Variants in TRPC3 observed in about 807,000 individuals in gnomAD.
TRPC3 encodes the protein transient receptor potential cation channel subfamily C member 3.
In TRPC3, 54 loss-of-function variants were observed where a neutral mutation model predicts 90.9. The observed-to-expected ratio is 0.59, with a 90% CI of 0.48 to 0.75. The LOEUF (loss-of-function observed/expected upper bound fraction) is 0.75. Ranked by LOEUF, TRPC3 falls within the 30% of genes least tolerant of loss-of-function variation. TRPC3 has a pLI of 0.00. For synonymous variants in TRPC3, 424 were observed against 450.9 expected (o/e 0.94, Z 0.75); for missense variants, 918 against 1,194.5 (o/e 0.77, Z 3.41).
chr4:121,930,861 G>A, intron 2 of TRPC3: 2 of 375,448 alleles, frequency 5.3e-6, no homozygotes, highest in East Asian at 8.5e-5. Flanking sequence ...AAACATTTTG[G>A]GTCCAAGTAA....
Position 121,951,829 on chromosome 4 carries a change from C to T in TRPC3, c.-149G>A, listed in dbSNP as rs1730781301. 2.0e-6 allele frequency: 1 copy of T among 509,992 alleles called. No homozygotes were observed. Among genetic ancestry groups the T allele is most frequent in the Non-Finnish European group, 3.1e-6 (1 of 322,240 alleles). 31.6% of individuals were successfully genotyped at this position (509,992 alleles called of 1,614,324 possible). The stretch of plus-strand genomic sequence containing the variant: ...AGGGCGGGAAGGCAGGAGCGGAGAG[C>T]GTCGCGGCCCGCGATCCAGCAGTTA... On this transcript the variant is annotated 5_prime_UTR_variant, in exon 1 of 12. Transcript: ENST00000379645. The surrounding 1 kb of genome is among the most constrained non-coding windows in gnomAD (Gnocchi z 4.4).
In TRPC3 at chr4:121,951,671, T is replaced by C; in HGVS notation, c.10A>G (p.Lys4Glu). 1 of 1,330,550 alleles carries C rather than the reference T, an allele frequency of 7.5e-7. No individual in the cohort carries two copies. Among genetic ancestry groups the C allele is most frequent in the Non-Finnish European group, 9.7e-7 (1 of 1,030,862 alleles). The allele number at this position is 1,330,550 out of a possible 1,614,324, so 82.4% of individuals were successfully genotyped here. ...GCTTGTTCTTTGCACTTCCTGACCT[T>C]GGTGGACATCGCGCCGGCTGCGGTC... MST[K>E]VRKCKEQARV... The change falls in exon 1 of 12, where the codon AAG (lysine) becomes GAG (glutamate). Residue 4 changes from lysine (K) to glutamate (E), a missense_variant. By Grantham distance (56) the Lys-to-Glu change is moderately conservative. Transcript: ENST00000379645. The surrounding 1 kb of genome is among the most constrained non-coding windows in gnomAD (Gnocchi z 4.4).
At position 121,912,034 on chromosome 4, in the gene TRPC3, G is replaced by C. The variant is rs772337585; in HGVS notation, c.1401C>G (p.Ile467Met). The C allele has an allele frequency of 6.2e-7, 1 of 1,613,880 alleles. No homozygotes were observed. The highest frequency in any genetic ancestry group is 1.1e-5 in the South Asian group (1 of 91,074). The change falls in exon 5 of 12, where the codon ATC becomes ATG. Residue 467 changes from isoleucine to methionine, a missense_variant. Ile to Met is a conservative substitution (Grantham distance 10). Coordinates refer to ENST00000379645, the MANE Select transcript of TRPC3 (RefSeq NM_001130698.2). ...MKFVAHAASF[I>M]IFLGLLVFNA... ...TGAACACAAGCAGACCCAGGAAGAT[G>C]ATGAAAGAAGCTGCATGTGCTACAA... is the stretch of plus-strand genomic sequence containing the variant.
intron 1 of TRPC3, among the ~76,000 whole-genome samples, chr4:121,937,224 G>A (rs924579500): frequency 1.3e-5 from 2 of 152,084 alleles, no homozygotes; most frequent in Non-Finnish European, 1.5e-5. Context: ...AATCTCTCAC[G>A]GTTGGACCCT....
At chr4:121,935,365 G>T (rs1001546100) in intron 1 of TRPC3, among the ~76,000 whole-genome samples, 2 of 151,620 alleles carry the variant, frequency 1.3e-5, no homozygotes, top group Admixed American at 1.3e-4. Flanking sequence ...TGTATGTGTG[G>T]TATGTGTGGG....
Position 121,899,233 on chromosome 4 carries a change from G to T in TRPC3, c.2547+379C>A, listed in dbSNP as rs561345856. Reference sequence around the variant, plus strand: ...AAAGAAAAACCTAGAGAAAAAACAAGTTTTCCTGCCATGGGAGCATTATTC... The same window carrying T: ...AAAGAAAAACCTAGAGAAAAAACAATTTTTCCTGCCATGGGAGCATTATTC... On this transcript the variant is annotated intron_variant, in intron 10 of 11. Transcript: ENST00000379645. 2.2e-4 allele frequency among the ~76,000 whole-genome samples: 34 copies of T among 152,164 alleles called. 1 individual carries two copies. In the South Asian group the frequency reaches 2.7e-3, roughly 12 times the overall value.
chr4:121,879,850 G>T lies in TRPC3; in HGVS notation c.2652C>A (p.Ile884=), dbSNP rs201772556. 38 of 1,597,954 alleles carry T rather than the reference G, an allele frequency of 2.4e-5. No individual in the cohort carries two copies. Among genetic ancestry groups the T allele is most frequent in the Non-Finnish European group, 3.1e-5 (36 of 1,175,254 alleles). Residue 884 remains isoleucine, a synonymous_variant, in exon 12 of 12, where the codon ATC becomes ATA. Coordinates refer to ENST00000379645, the MANE Select transcript of TRPC3 (RefSeq NM_001130698.2). ...CCAAAAGTTCATAACGAAGGCTGGA[G>T]ATATCTTGCTTGATTTCTTTTAATT... The part of the protein sequence containing the change: ...EGELKEIKQD[I]SSLRYELLED...
chr4:121,908,852 C>T (rs1728983499), intron 6 of TRPC3, among the ~76,000 whole-genome samples: 1 of 151,996 alleles, frequency 6.6e-6, no homozygotes, highest in Non-Finnish European at 1.5e-5. Context: ...TGCACATGTG[C>T]CCTCTGAATC....
intron 1 of TRPC3, chr4:121,933,276 T>G: frequency 1.4e-6 from 1 of 732,210 alleles, no homozygotes; most frequent in Non-Finnish European, 1.9e-6. Context: ...CAAAAGCTCC[T>G]ATTCTCTAGA....
At chr4:121,885,776 A>G (rs933043533) in intron 10 of TRPC3, among the ~76,000 whole-genome samples, 2 of 151,616 alleles carry the variant, frequency 1.3e-5, no homozygotes, top group Admixed American at 6.6e-5. Context: ...AAACTGACCA[A>G]TAACAGATTC....
At chr4:121,946,393 T>A (rs562762334) in intron 1 of TRPC3, among the ~76,000 whole-genome samples, 1 of 152,156 alleles carries the variant, frequency 6.6e-6, no homozygotes, top group Non-Finnish European at 1.5e-5. Flanking sequence ...CCGTAGAAGA[T>A]TTAGCTAAGA....
At chr4:121,942,183 G>C (rs1730342018) in intron 1 of TRPC3, among the ~76,000 whole-genome samples, 1 of 152,156 alleles carries the variant, frequency 6.6e-6, no homozygotes, top group Admixed American at 6.5e-5. Flanking sequence ...TATAAGCCCA[G>C]AGAGATATTT....
At chr4:121,917,503 A>G (rs2149130199) in intron 3 of TRPC3, among the ~76,000 whole-genome samples, 1 of 152,316 alleles carries the variant, frequency 6.6e-6, no homozygotes, top group East Asian at 1.9e-4. Context: ...GGGCAAGTGT[A>G]TTGGTACAAG....
At position 121,903,087 on chromosome 4, in the gene TRPC3, A is replaced by C. The variant is rs201500761; in HGVS notation, c.2254-26T>G. 1.1e-3 allele frequency: 1,753 copies of C among 1,569,234 alleles called. 7 individuals are homozygous for C. The highest frequency in any genetic ancestry group is 8.3e-3 in the Middle Eastern group (42 of 5,076). ...CTGTGTCACAAAAATAGAAAAAAAA[A>C]CTAATTTTAAATGCTAAATATTCTA... On this transcript the variant is annotated intron_variant, in intron 8 of 11. Coordinates refer to ENST00000379645, the MANE Select transcript of TRPC3 (RefSeq NM_001130698.2).
At chr4:121,900,914 C>T (rs1222169569) in intron 9 of TRPC3, among the ~76,000 whole-genome samples, 1 of 152,136 alleles carries the variant, frequency 6.6e-6, no homozygotes, top group Non-Finnish European at 1.5e-5. Flanking sequence ...AAAAGCTATT[C>T]TTTCCTGTCA....
chr4:121,932,219 C>T lies in TRPC3; in HGVS notation c.987+52G>A. The T allele has an allele frequency of 5.1e-6, 8 of 1,583,512 alleles. No homozygotes were observed. Among genetic ancestry groups the T allele is most frequent in the Non-Finnish European group, 6.9e-6 (8 of 1,162,522 alleles). On this transcript the variant is annotated intron_variant, in intron 2 of 11. Coordinates refer to ENST00000379645, the MANE Select transcript of TRPC3 (RefSeq NM_001130698.2). The surrounding 1 kb of genome is among the most constrained non-coding windows in gnomAD (Gnocchi z 7.7). ...GGTGGCAGAGCAGGCCAGGCAGCAGCGGGGAAGTTGGGTGAGCACACAGAG... is the reference window on the plus strand; with the variant it reads ...GGTGGCAGAGCAGGCCAGGCAGCAGTGGGGAAGTTGGGTGAGCACACAGAG...
rs566006364 is a variant in TRPC3 at position 121,907,745 on chromosome 4, T to C, written c.1793-178A>G. 7.6e-4 allele frequency among the ~76,000 whole-genome samples: 115 copies of C among 152,204 alleles called. 5 individuals carry two copies. The highest frequency in any genetic ancestry group is 2.7e-3 in the African/African-American group (111 of 41,540). On this transcript the variant is annotated intron_variant, in intron 6 of 11. Transcript: ENST00000379645. ...TTTCATCTTAAACCAGAAACGTAAA[T>C]TCTATATTACTTTAGATGGAGGGTA...
intron 3 of TRPC3, among the ~76,000 whole-genome samples, chr4:121,923,141 A>G (rs1185328892): frequency 6.6e-6 from 1 of 152,058 alleles, no homozygotes; most frequent in Non-Finnish European, 1.5e-5. Context: ...ACTTGCTGCT[A>G]GGGTGCAAAC....
Position 121,878,169 on chromosome 4 carries a change from A to G in TRPC3, c.*1567T>C, listed in dbSNP as rs1727821001. Among the ~76,000 whole-genome samples the G allele has an allele frequency of 6.6e-6, 1 of 152,254 alleles. No homozygotes were observed. The highest frequency in any genetic ancestry group is 2.1e-4 in the South Asian group (1 of 4,830). ...AAAAATGTTTAAGACGAATACTCTT[A>G]GCATGGCACAAAAGTTAATGAAGTG... On this transcript the variant is annotated 3_prime_UTR_variant, in exon 12 of 12. Coordinates refer to ENST00000379645, the MANE Select transcript of TRPC3 (RefSeq NM_001130698.2).
Sources: gnomAD v4.1 joint callset for allele counts (sites outside exome capture counted in the v4.1 genomes callset) on GRCh38, gnomAD v4.1.1 for gene constraint, Gnocchi (gnomAD v3.1) non-coding constraint, MANE v1.5 for transcripts, NCBI Gene and HGNC (gene_info 2026-07-23, HGNC 2026-07-21) for gene names.